COPS3: variants seen among roughly 807,000 people sequenced by gnomAD.
COPS3 encodes COP9 signalosome subunit 3, also known as COP9 signalosome complex subunit 3.
Under a neutral mutation model 58.2 loss-of-function variants are expected in COPS3, and 10 were observed. The ratio of observed to expected loss-of-function variants is 0.17; its 90% CI spans 0.11 to 0.29. The LOEUF (loss-of-function observed/expected upper bound fraction) is 0.29. COPS3 is among the 10% of genes least tolerant of loss of function. The pLI, the probability that COPS3 is intolerant of heterozygous loss-of-function variation, is 1.00. For missense variants in COPS3, 333 were observed against 510.1 expected (o/e 0.65, Z 3.34); for synonymous variants, 187 against 181.7 (o/e 1.03, Z -0.24).
intron 2 of COPS3, among the ~76,000 whole-genome samples, chr17:17,271,840 C>CTATATCTATA (rs1555620661): frequency 1.7e-4 from 23 of 139,164 alleles, no homozygotes; most frequent in African/African-American, 6.1e-4. Flanking sequence ...CTATATATAT[C>CTATATCTATA]TATATATATA....
intron 10 of COPS3, chr17:17,247,769 C>T (rs2145179898): frequency 4.2e-6 from 2 of 473,132 alleles, no homozygotes; most frequent in East Asian, 6.3e-5. Context: ...CCAGCAGGAT[C>T]TAGGCAAACC....
intron 1 of COPS3, among the ~76,000 whole-genome samples, chr17:17,277,411 C>G (rs180909084): frequency 6.6e-6 from 1 of 152,080 alleles, no homozygotes; most frequent in Non-Finnish European, 1.5e-5. Flanking sequence ...TACTGCAATA[C>G]TATGTTTGTT....
At chr17:17,255,021 G>A in intron 8 of COPS3, 76 bp from the exon 9 acceptor site, 5 of 1,035,038 alleles carry the variant, frequency 4.8e-6, no homozygotes, top group Non-Finnish European at 7.5e-6. Context: ...GTACAGAGCG[G>A]CCAGGCGTGG....
At chr17:17,278,599 G>A (rs2048509702) in intron 1 of COPS3, among the ~76,000 whole-genome samples, 1 of 152,180 alleles carries the variant, frequency 6.6e-6, no homozygotes, top group Admixed American at 6.5e-5. Flanking sequence ...TAGGTATGAA[G>A]TAACTTCTAG....
At chr17:17,270,837 T>G in intron 3 of COPS3, 30 bp from the exon 4 acceptor site, 1 of 1,602,364 alleles carries the variant, frequency 6.2e-7, no homozygotes, top group African/African-American at 1.4e-5. Context: ...ATTCAAAATA[T>G]AAATATAACC....
Position 17,264,440 on chromosome 17 carries a change from C to T in COPS3, c.621+362G>A, listed in dbSNP as rs530903587. Among the ~76,000 whole-genome samples the T allele has an allele frequency of 2.6e-4, 39 of 152,256 alleles. No individual in the cohort carries two copies. In the South Asian group the frequency reaches 7.9e-3, roughly 31 times the overall value. ...GTTTCACTGATTAAATAAAACTTAA[C>T]AAAATACCACACATGGTTTTAGAAT... On this transcript the variant is annotated intron_variant, in intron 6 of 11. Coordinates refer to ENST00000268717, the MANE Select transcript of COPS3 (RefSeq NM_003653.4).
At chr17:17,248,808 G>A (rs2047778086) in intron 10 of COPS3, 118 bp downstream of exon 10, 9 of 634,540 alleles carry the variant, frequency 1.4e-5, no homozygotes, top group Non-Finnish European at 2.4e-5. Context: ...TAACTAAGAT[G>A]TTCACAGACT....
intron 9 of COPS3, among the ~76,000 whole-genome samples, chr17:17,252,207 C>T (rs2047862114): frequency 6.6e-6 from 1 of 152,162 alleles, no homozygotes. Flanking sequence ...ATGTGTTTAG[C>T]CGTACACTTA....
At chr17:17,255,373 G>T (rs1055709991) in intron 8 of COPS3, among the ~76,000 whole-genome samples, 1 of 151,532 alleles carries the variant, frequency 6.6e-6, no homozygotes, top group Non-Finnish European at 1.5e-5. Context: ...AGCTACTTGG[G>T]AGGCTGAGAC....
At chr17:17,273,426 T>C (rs1290219882) in intron 2 of COPS3, among the ~76,000 whole-genome samples, 2 of 152,208 alleles carry the variant, frequency 1.3e-5, no homozygotes, top group East Asian at 3.8e-4. Context: ...TAAGGATTTC[T>C]ACTGTCTGTA....
chr17:17,277,773 C>A (rs761556905), intron 1 of COPS3, among the ~76,000 whole-genome samples: 4 of 152,144 alleles, frequency 2.6e-5, no homozygotes, highest in Non-Finnish European at 5.9e-5. Context: ...AATTAGGCCT[C>A]AGCCGGGTGC....
At chr17:17,247,208 G>A in intron 11 of COPS3, 57 bp from the exon 12 acceptor site, 1 of 1,539,760 alleles carries the variant, frequency 6.5e-7, no homozygotes, top group Non-Finnish European at 9.0e-7. Context: ...GGGTTCCCCG[G>A]CAGCCCAATA....
intron 1 of COPS3, among the ~76,000 whole-genome samples, chr17:17,280,199 A>G (rs111611832): frequency 0.14 from 21,864 of 152,156 alleles, 1,636 homozygotes; most frequent in South Asian, 0.22. Context: ...ATCACCTGAG[A>G]TCAAGGTTCG....
intron 8 of COPS3, among the ~76,000 whole-genome samples, chr17:17,259,330 T>G (rs1483489755): frequency 6.6e-6 from 1 of 152,200 alleles, no homozygotes. Flanking sequence ...ACAGGATTCC[T>G]GTAACTTGCA....
intron 2 of COPS3, among the ~76,000 whole-genome samples, chr17:17,275,112 A>T (rs1250502503): frequency 4.7e-5 from 6 of 127,072 alleles, no homozygotes; most frequent in African/African-American, 1.4e-4. Flanking sequence ...TTTTTTTTTG[A>T]GAGAGTCTCC....
At chr17:17,250,734 A>G (rs1347816830) in intron 9 of COPS3, among the ~76,000 whole-genome samples, 1 of 152,244 alleles carries the variant, frequency 6.6e-6, no homozygotes, top group Non-Finnish European at 1.5e-5. Context: ...CCACACGGTG[A>G]TAATAACTTG....
chr17:17,260,446 G>A lies in COPS3; in HGVS notation c.791C>T (p.Ala264Val). 6.2e-7 allele frequency: 1 copy of A among 1,614,118 alleles called. No homozygotes were observed. Among genetic ancestry groups the A allele is most frequent in the Non-Finnish European group, 8.5e-7 (1 of 1,180,020 alleles). ...KPLSNAYHELAQVYSTNNPSE... is the reference protein window; with the variant it reads ...KPLSNAYHELVQVYSTNNPSE... ...GGGGTTGTTGGTTGAATACACTTGT[G>A]CTAACTCGTGGTATGCATTGCTAAG... The change falls in exon 8 of 12, where the codon GCA becomes GTA. Residue 264 changes from alanine (A) to valine (V), a missense_variant. By Grantham distance (64) the Ala-to-Val change is moderately conservative. Transcript: ENST00000268717.
At chr17:17,258,632 A>C (rs1014787474) in intron 8 of COPS3, among the ~76,000 whole-genome samples, 7 of 151,634 alleles carry the variant, frequency 4.6e-5, no homozygotes, top group African/African-American at 1.2e-4. Context: ...TTTAATGGCT[A>C]CCTCTTGATG....
Position 17,264,691 on chromosome 17 carries a change from A to G in COPS3, c.621+111T>C, listed in dbSNP as rs1184300486. ...AGAGAAGTAGTCTCTGAAAGGACCAACACCTGAAACGGAGGCCCTGGGATC... is the reference window on the plus strand; with the variant it reads ...AGAGAAGTAGTCTCTGAAAGGACCAGCACCTGAAACGGAGGCCCTGGGATC... On this transcript the variant is annotated intron_variant, in intron 6 of 11. Coordinates refer to ENST00000268717, the MANE Select transcript of COPS3 (RefSeq NM_003653.4). 5 of 810,598 alleles carry G rather than the reference A, an allele frequency of 6.2e-6. No homozygotes were observed. The South Asian group carries it at 9.1e-5, about 15-fold the overall frequency. The allele number at this position is 810,598 out of a possible 1,614,324, so 50.2% of individuals were successfully genotyped here.
Sources: allele counts gnomAD v4.1 joint callset (sites outside exome capture counted in the v4.1 genomes callset), GRCh38; gene constraint gnomAD v4.1.1; transcripts MANE v1.5; gene names NCBI Gene and HGNC (gene_info 2026-07-23, HGNC 2026-07-21).